The following STK26 variants were observed in gnomAD, a reference collection of about 807,000 sequenced individuals.
STK26 encodes the protein serine/threonine kinase 26.
STK26 carries 14 observed loss-of-function variants against 34.7 expected under a neutral mutation model. The ratio of observed to expected loss-of-function variants is 0.40; its 90% CI spans 0.27 to 0.63. The LOEUF (loss-of-function observed/expected upper bound fraction) is 0.63. Among genes scored for constraint, STK26 ranks in the 30% least tolerant of loss-of-function variants. STK26 has a pLI of 0.38. For missense variants in STK26, 226 were observed against 309.1 expected (o/e 0.73, Z 2.02); for synonymous variants, 100 against 109.8 (o/e 0.91, Z 0.56).
At chrX:132,025,272 A>G (rs1044632408) in intron 2 of STK26, among the ~76,000 whole-genome samples, 3 of 111,534 alleles carry the variant, frequency 2.7e-5, no homozygotes, top group Non-Finnish European at 3.8e-5. Flanking sequence ...TTCTCGCTCC[A>G]TTGTGTGCGC....
At chrX:132,060,471 T>G (rs1189569607) in intron 3 of STK26, among the ~76,000 whole-genome samples, 1 of 111,667 alleles carries the variant, frequency 9.0e-6, no homozygotes, top group African/African-American at 3.3e-5. Context: ...ATGTGCTGTA[T>G]GTTTTTTTTA....
In STK26 at chrX:132,044,787, TTA is replaced by T. The variant is rs1294929869; in HGVS notation, c.43-9835_43-9834del. Among the ~76,000 whole-genome samples the T allele has an allele frequency of 5.3e-3, 182 of 34,299 alleles. 17 individuals are homozygous for T. Among genetic ancestry groups the T allele is most frequent in the African/African-American group, 0.022 (155 of 7,054 alleles). The allele number at this position is 34,299 out of a possible 115,157, so 29.8% of individuals were successfully genotyped here. A position where few individuals can be genotyped will look rare whatever the true frequency, so the allele number is the denominator to read the frequency against. ...TATATAGAGAGATCTATATATATATTTATATATATAGAGAGAGATCTATATAT... is the reference window on the plus strand; with the variant it reads ...TATATAGAGAGATCTATATATATATTTATATATAGAGAGAGATCTATATAT... On this transcript the variant is annotated intron_variant, in intron 2 of 11. Transcript: ENST00000394334.
chrX:132,072,025 G>C (rs1329341415), intron 8 of STK26, among the ~76,000 whole-genome samples: 1 of 111,505 alleles, frequency 9.0e-6, no homozygotes, highest in African/African-American at 3.3e-5. Flanking sequence ...GAGTAGTGAG[G>C]GACAGGTATT....
chrX:132,043,331 T>C (rs1339011221), intron 2 of STK26, among the ~76,000 whole-genome samples: 1 of 112,052 alleles, frequency 8.9e-6, no homozygotes, highest in African/African-American at 3.2e-5. Context: ...ATGGATAGCA[T>C]AAAATGAGGC....
intron 4 of STK26, among the ~76,000 whole-genome samples, chrX:132,066,924 A>G (rs1214461662): frequency 1.8e-5 from 2 of 111,635 alleles, no homozygotes; most frequent in Admixed American, 1.9e-4. Flanking sequence ...TCCTTTAGTT[A>G]TTTTGTAGTA....
At chrX:132,037,769 CTTTTTTTTTTTT>C (rs755403402) in intron 2 of STK26, among the ~76,000 whole-genome samples, 1 of 51,868 alleles carries the variant, frequency 1.9e-5, no homozygotes, top group Admixed American at 2.1e-4. Context: ...CGGAGAGCTG[CTTTTTTTTTTTT>C]TTTTTTTTTT....
chrX:132,060,763 A>G (rs2124179674), intron 3 of STK26, among the ~76,000 whole-genome samples: 1 of 108,691 alleles, frequency 9.2e-6, no homozygotes, highest in Admixed American at 9.9e-5. Flanking sequence ...CTACAGGCAT[A>G]TGCCACCACA....
intron 2 of STK26, among the ~76,000 whole-genome samples, chrX:132,050,150 A>G (rs1342465961): frequency 9.0e-6 from 1 of 111,029 alleles, no homozygotes; most frequent in Admixed American, 9.6e-5. Flanking sequence ...TCCGTCTTCA[A>G]TGTTCTTGTT....
chrX:132,045,188 C>T (rs1189973778), intron 2 of STK26, among the ~76,000 whole-genome samples: 4 of 110,047 alleles, frequency 3.6e-5, no homozygotes, highest in Non-Finnish European at 5.7e-5. Context: ...GGTGTCTAGG[C>T]CCACTTCATT....
In STK26 at chrX:132,075,163, C is replaced by A. The variant is rs1927561516; in HGVS notation, c.*1004C>A. Reference sequence around the variant, plus strand: ...GTTTTTAAAAGGATATTTAAGTGAGCATTTTCTAGTTCATATGAAAATAAC... The same window carrying A: ...GTTTTTAAAAGGATATTTAAGTGAGAATTTTCTAGTTCATATGAAAATAAC... On this transcript the variant is annotated 3_prime_UTR_variant, in exon 12 of 12. Coordinates refer to ENST00000394334, the MANE Select transcript of STK26 (RefSeq NM_016542.4). The A allele has an allele frequency of 9.0e-6, 1 of 111,673 alleles. No individual in the cohort carries two copies. The highest frequency in any genetic ancestry group is 3.7e-4 in the South Asian group (1 of 2,672). 9.2% of individuals were successfully genotyped at this position (111,673 alleles called of 1,213,427 possible).
At chrX:132,037,697 G>C (rs1327251421) in intron 2 of STK26, among the ~76,000 whole-genome samples, 1 of 107,716 alleles carries the variant, frequency 9.3e-6, no homozygotes, top group African/African-American at 3.4e-5. Context: ...GATTCTAAGG[G>C]ATAGAGAATG....
In STK26 at chrX:132,054,816, A is replaced by G; in HGVS notation, c.228A>G (p.Gln76=). 8.3e-7 allele frequency: 1 copy of G among 1,210,779 alleles called. No homozygotes were observed. The highest frequency in any genetic ancestry group is 1.1e-6 in the Non-Finnish European group (1 of 894,396). ...AGCAAGAAATAACTGTCTTGAGTCA[A>G]TGTGACAGCTCATATGTAACAAAAT... ...DIQQEITVLS[Q]CDSSYVTKYY... is the part of the protein sequence containing the mutation. The change falls in exon 3 of 12, where the codon CAA becomes CAG. Residue 76 remains glutamine, a synonymous_variant. Transcript: ENST00000394334.
At chrX:132,024,719 C>A (rs1162423586) in intron 2 of STK26, among the ~76,000 whole-genome samples, 1 of 107,274 alleles carries the variant, frequency 9.3e-6, no homozygotes, top group Non-Finnish European at 1.9e-5. Flanking sequence ...GAGCTGTAGA[C>A]TGGGGCCTCA....
At chrX:132,058,853 G>A (rs1287361757) in intron 3 of STK26, among the ~76,000 whole-genome samples, 1 of 110,576 alleles carries the variant, frequency 9.0e-6, no homozygotes, top group Non-Finnish European at 1.9e-5. Context: ...GTAGAAATGT[G>A]CAGCTGGCTT....
At position 132,074,484 on chromosome X, in the gene STK26, C is replaced by T; in HGVS notation, c.*325C>T. ...ACATTTTGATCTTTAGTTGACTCTA[C>T]AGTCATGAAACATACAGGTCTTTCA... On this transcript the variant is annotated 3_prime_UTR_variant, in exon 12 of 12. Transcript: ENST00000394334. 5.4e-6 allele frequency: 1 copy of T among 184,572 alleles called. No homozygotes were observed. Among genetic ancestry groups the T allele is most frequent in the Non-Finnish European group, 1.0e-5 (1 of 100,357 alleles). 15.2% of individuals were successfully genotyped at this position (184,572 alleles called of 1,213,427 possible).
At chrX:132,066,335 A>G (rs753283594) in intron 4 of STK26, among the ~76,000 whole-genome samples, 5 of 112,236 alleles carry the variant, frequency 4.5e-5, no homozygotes, top group African/African-American at 1.3e-4. Flanking sequence ...ACCATAAGAG[A>G]GGGCATAAAA....
intron 2 of STK26, among the ~76,000 whole-genome samples, chrX:132,048,905 C>G (rs771877578): frequency 8.9e-6 from 1 of 112,282 alleles, no homozygotes; most frequent in East Asian, 2.8e-4. Flanking sequence ...AAGATAGTGT[C>G]CTGTTTTCTC....
At chrX:132,030,471 A>C (rs1390407464) in intron 2 of STK26, among the ~76,000 whole-genome samples, 1 of 111,782 alleles carries the variant, frequency 8.9e-6, no homozygotes, top group African/African-American at 3.3e-5. Context: ...CTGAACTGTC[A>C]CATTAGAAAG....
At chrX:132,037,769 C>CTTTTTTTTTTT (rs755403402) in intron 2 of STK26, among the ~76,000 whole-genome samples, 92 of 51,838 alleles carry the variant, frequency 1.8e-3, no homozygotes, top group African/African-American at 6.7e-3. Context: ...CGGAGAGCTG[C>CTTTTTTTTTTT]TTTTTTTTTT....
Sources: allele counts gnomAD v4.1 joint callset (sites outside exome capture counted in the v4.1 genomes callset), GRCh38; gene constraint gnomAD v4.1.1; transcripts MANE v1.5; gene names NCBI Gene and HGNC (gene_info 2026-07-23, HGNC 2026-07-21).